NEK11: variants seen among roughly 807,000 people sequenced by gnomAD.
NEK11 encodes NIMA related kinase 11, also known as serine/threonine-protein kinase Nek11.
In NEK11, 72 loss-of-function variants were observed where a neutral mutation model predicts 80.7. The observed-to-expected ratio is 0.89, with a 90% CI of 0.74 to 1.08. The LOEUF is 1.08. Among genes scored for constraint, NEK11 ranks in the 50% least tolerant of loss-of-function variants. The pLI is 0.00. For missense variants in NEK11, 764 were observed against 763.6 expected (o/e 1.00, Z -0.01); for synonymous variants, 251 against 260.7 (o/e 0.96, Z 0.36).
At chr3:131,321,512 T>G (rs1187172925) in intron 17 of NEK11, among the ~76,000 whole-genome samples, 1 of 149,292 alleles carries the variant, frequency 6.7e-6, no homozygotes, top group African/African-American at 2.5e-5. Context: ...GGAACCTAAT[T>G]AAATGAAAAA....
At chr3:131,157,472 T>C (rs1261830296) in intron 10 of NEK11, among the ~76,000 whole-genome samples, 1 of 152,142 alleles carries the variant, frequency 6.6e-6, no homozygotes, top group Non-Finnish European at 1.5e-5. Flanking sequence ...GATTAACCAC[T>C]ACACCATGCT....
intron 16 of NEK11, among the ~76,000 whole-genome samples, chr3:131,263,379 A>T (rs2095972289): frequency 6.6e-6 from 1 of 152,012 alleles, no homozygotes; most frequent in African/African-American, 2.4e-5. Context: ...ATGGTTGTAG[A>T]TGTGTGGTAT....
intron 12 of NEK11, among the ~76,000 whole-genome samples, chr3:131,168,591 C>T (rs1253139900): frequency 2.0e-5 from 3 of 151,820 alleles, no homozygotes; most frequent in Non-Finnish European, 4.4e-5. Flanking sequence ...CTCCTGACCT[C>T]GTGATCCGCC....
At chr3:131,279,475 C>T (rs2096360596) in intron 17 of NEK11, among the ~76,000 whole-genome samples, 1 of 152,130 alleles carries the variant, frequency 6.6e-6, no homozygotes, top group Non-Finnish European at 1.5e-5. Flanking sequence ...ATAAGATTCA[C>T]TCTTTTTAGT....
At chr3:131,066,639 G>T (rs1221656220) in intron 3 of NEK11, among the ~76,000 whole-genome samples, 3 of 151,928 alleles carry the variant, frequency 2.0e-5, no homozygotes, top group Non-Finnish European at 2.9e-5. Context: ...TTCAAGACCA[G>T]CCTGGCCAAC....
At chr3:131,169,436 C>T (rs1023718690) in intron 13 of NEK11, among the ~76,000 whole-genome samples, 2 of 152,104 alleles carry the variant, frequency 1.3e-5, no homozygotes, top group Admixed American at 6.5e-5. Flanking sequence ...GTTTTTCAGA[C>T]CCTAGCTGAC....
At chr3:131,099,525 G>A (rs568210992) in intron 4 of NEK11, among the ~76,000 whole-genome samples, 1 of 152,168 alleles carries the variant, frequency 6.6e-6, no homozygotes, top group South Asian at 2.1e-4. Flanking sequence ...TAGTTTGATA[G>A]GAATAGTGTT....
chr3:131,148,704 T>G (rs1020438008), intron 7 of NEK11, among the ~76,000 whole-genome samples: 1 of 150,316 alleles, frequency 6.7e-6, no homozygotes, highest in African/African-American at 2.4e-5. Context: ...ATTTTTAACT[T>G]TTATTTTAGG....
Position 131,228,768 on chromosome 3 carries a change from A to G in NEK11, c.1560+80A>G, listed in dbSNP as rs141762459. The G allele has an allele frequency of 2.1e-6, 3 of 1,424,376 alleles. No individual in the cohort carries two copies. In the African/African-American group the frequency reaches 4.3e-5, roughly 20 times the overall value. The allele number at this position is 1,424,376 out of a possible 1,614,324, so 88.2% of individuals were successfully genotyped here. A position where few individuals can be genotyped will look rare whatever the true frequency, so the allele number is the denominator to read the frequency against. On this transcript the variant is annotated intron_variant, in intron 15 of 17. Transcript: ENST00000383366. ...TCTCCCAGAGAAGAAAGGAAGTCTT[A>G]TAAGGTGAAGTTGGGGACATGGGGA...
intron 15 of NEK11, among the ~76,000 whole-genome samples, chr3:131,229,441 A>G (rs945722100): frequency 1.3e-5 from 2 of 152,080 alleles, no homozygotes; most frequent in Admixed American, 1.3e-4. Context: ...CTAAACTTCC[A>G]TGAGTTACAG....
At chr3:131,185,948 G>A (rs2093582507) in intron 14 of NEK11, among the ~76,000 whole-genome samples, 1 of 152,066 alleles carries the variant, frequency 6.6e-6, no homozygotes, top group Admixed American at 6.6e-5. Context: ...ATATTCCCAA[G>A]CCTCAGTTTT....
intron 17 of NEK11, among the ~76,000 whole-genome samples, chr3:131,294,382 C>G (rs932579448): frequency 1.3e-5 from 2 of 151,710 alleles, no homozygotes; most frequent in African/African-American, 4.8e-5. Flanking sequence ...TCTAGTTATT[C>G]TGTTATTGAT....
chr3:131,216,431 G>A (rs1306752305), intron 14 of NEK11, among the ~76,000 whole-genome samples: 1 of 152,240 alleles, frequency 6.6e-6, no homozygotes, highest in Non-Finnish European at 1.5e-5. Flanking sequence ...GAGTCACATG[G>A]TGAGTGCATT....
chr3:131,085,460 A>T (rs978247006), intron 4 of NEK11, among the ~76,000 whole-genome samples: 4 of 152,204 alleles, frequency 2.6e-5, no homozygotes, highest in African/African-American at 9.6e-5. Context: ...ATCAGTTGCT[A>T]AAATACAAGG....
intron 14 of NEK11, chr3:131,184,734 T>C (rs1341582371): frequency 2.4e-6 from 3 of 1,250,390 alleles, no homozygotes; most frequent in Non-Finnish European, 3.1e-6. Context: ...AGACGAATAC[T>C]GGAAAAATGA....
chr3:131,228,325 C>T (rs1354619126), intron 14 of NEK11, among the ~76,000 whole-genome samples: 1 of 152,042 alleles, frequency 6.6e-6, no homozygotes, highest in African/African-American at 2.4e-5. Flanking sequence ...TGGAAATGTT[C>T]CTCCTTTCCT....
intron 7 of NEK11, among the ~76,000 whole-genome samples, chr3:131,136,795 T>C (rs1035205286): frequency 6.6e-6 from 1 of 152,206 alleles, no homozygotes; most frequent in Non-Finnish European, 1.5e-5. Context: ...TAAGCAATTG[T>C]TGAATACTCT....
intron 17 of NEK11, among the ~76,000 whole-genome samples, chr3:131,331,423 A>T (rs16836435): frequency 0.1 from 15,256 of 152,268 alleles, 1,236 homozygotes; most frequent in African/African-American, 0.22. Context: ...TTAAACCATT[A>T]GCAATGTCTC....
intron 17 of NEK11, among the ~76,000 whole-genome samples, chr3:131,331,195 T>C (rs755746480): frequency 6.6e-6 from 1 of 152,240 alleles, no homozygotes; most frequent in African/African-American, 2.4e-5. Context: ...ACTTGCACTT[T>C]GTGTTTACCC....
Sources: gnomAD v4.1 joint callset for allele counts (sites outside exome capture counted in the v4.1 genomes callset) on GRCh38, gnomAD v4.1.1 for gene constraint, MANE v1.5 for transcripts, NCBI Gene and HGNC (gene_info 2026-07-23, HGNC 2026-07-21) for gene names.